GNAQ: variants seen among roughly 807,000 people sequenced by gnomAD.
GNAQ encodes G protein subunit alpha q.
In GNAQ, 8 loss-of-function variants were observed where a neutral mutation model predicts 43.9. That is an observed-to-expected ratio of 0.18 (90% confidence interval 0.11 to 0.33). GNAQ has a LOEUF of 0.33. GNAQ is among the 10% of genes least tolerant of loss of function. The probability of loss-of-function intolerance (pLI) is 1.00; values close to 1 mark genes in which losing one functional copy is unlikely to be tolerated. For synonymous variants in GNAQ, 155 were observed against 170.7 expected (o/e 0.91, Z 0.71); for missense variants, 158 against 450.8 (o/e 0.35, Z 5.88).
intron 1 of GNAQ, among the ~76,000 whole-genome samples, chr9:77,938,420 G>T (rs1473919133): frequency 2.6e-5 from 4 of 152,158 alleles, no homozygotes; most frequent in Non-Finnish European, 1.5e-5. Flanking sequence ...CTTCATCATA[G>T]GACTCATGAA....
At chr9:78,026,249 G>A (rs1374905707) in intron 1 of GNAQ, among the ~76,000 whole-genome samples, 1 of 152,090 alleles carries the variant, frequency 6.6e-6, no homozygotes, top group South Asian at 2.1e-4. Flanking sequence ...TAGCATATAG[G>A]GGTAAGGATG....
At chr9:77,921,847 T>G (rs1180249303) in intron 2 of GNAQ, among the ~76,000 whole-genome samples, 2 of 152,172 alleles carry the variant, frequency 1.3e-5, no homozygotes, top group Non-Finnish European at 1.5e-5. Flanking sequence ...TTACAAACTC[T>G]CTCCTTAACA....
At chr9:77,833,689 C>G (rs1217263289) in intron 2 of GNAQ, among the ~76,000 whole-genome samples, 2 of 152,116 alleles carry the variant, frequency 1.3e-5, no homozygotes, top group African/African-American at 4.8e-5. Context: ...TAAGAGTGGC[C>G]TTGGAGAGCA....
chr9:77,791,632 A>T (rs1826576260), intron 5 of GNAQ, among the ~76,000 whole-genome samples: 1 of 152,220 alleles, frequency 6.6e-6, no homozygotes, highest in Non-Finnish European at 1.5e-5. Flanking sequence ...GGCAGACAAA[A>T]GCAGACCTAC....
intron 2 of GNAQ, 118 bp downstream of exon 2, chr9:77,922,043 T>C: frequency 1.9e-6 from 1 of 531,842 alleles, no homozygotes; most frequent in East Asian, 2.8e-5. Context: ...GGATGGAAAA[T>C]GTATATTTCC....
At chr9:77,867,164 T>C (rs1296658894) in intron 2 of GNAQ, among the ~76,000 whole-genome samples, 3 of 152,282 alleles carry the variant, frequency 2.0e-5, no homozygotes, top group Middle Eastern at 3.4e-3. Flanking sequence ...ACAATGCCCC[T>C]GGCCCCCACT....
chr9:77,797,707 C>T (rs1309738066), intron 3 of GNAQ, 59 bp from the exon 4 acceptor site: 40 of 1,535,444 alleles, frequency 2.6e-5, no homozygotes, highest in Middle Eastern at 1.7e-4. Context: ...AAGCTGTCTA[C>T]GGAAAGGGAA....
At chr9:78,006,515 C>CA (rs34409471) in intron 1 of GNAQ, among the ~76,000 whole-genome samples, 7 of 151,804 alleles carry the variant, frequency 4.6e-5, no homozygotes, top group Non-Finnish European at 1.0e-4. Context: ...TTGGTACTAC[C>CA]AAAAAAAATA....
At chr9:77,918,018 A>C (rs1828939009) in intron 2 of GNAQ, among the ~76,000 whole-genome samples, 1 of 152,136 alleles carries the variant, frequency 6.6e-6, no homozygotes, top group South Asian at 2.1e-4. Flanking sequence ...CCCCCTGACC[A>C]CAGCACCCTC....
intron 2 of GNAQ, among the ~76,000 whole-genome samples, chr9:77,899,813 A>G (rs955997380): frequency 1.3e-5 from 2 of 152,144 alleles, no homozygotes; most frequent in African/African-American, 2.4e-5. Flanking sequence ...ATATTTAACA[A>G]ATATGTATTA....
At chr9:77,880,389 T>C (rs1320916529) in intron 2 of GNAQ, among the ~76,000 whole-genome samples, 1 of 152,104 alleles carries the variant, frequency 6.6e-6, no homozygotes, top group Non-Finnish European at 1.5e-5. Context: ...TTTTCTTTTT[T>C]AGAAACAGAG....
At position 77,827,774 on chromosome 9, in the gene GNAQ, T is replaced by A. The variant is rs369612173; in HGVS notation, c.322-12004A>T. On this transcript the variant is annotated intron_variant, in intron 2 of 6. Transcript: ENST00000286548. ...CTTTACTTGTTGGTAGAAATATCAA[T>A]CTTTCTAGAGCATCAACATTTTTTA... 2.3e-4 allele frequency among the ~76,000 whole-genome samples: 35 copies of A among 152,218 alleles called. 3 individuals carry two copies. Among genetic ancestry groups the A allele is most frequent in the African/African-American group, 8.4e-4 (35 of 41,536 alleles).
intron 5 of GNAQ, among the ~76,000 whole-genome samples, chr9:77,747,320 G>A (rs1825746059): frequency 6.6e-6 from 1 of 152,172 alleles, no homozygotes; most frequent in Non-Finnish European, 1.5e-5. Context: ...GTGACTCATG[G>A]TGCAGAGTTT....
At chr9:77,965,443 G>C (rs539497358) in intron 1 of GNAQ, among the ~76,000 whole-genome samples, 1 of 151,924 alleles carries the variant, frequency 6.6e-6, no homozygotes, top group Non-Finnish European at 1.5e-5. Context: ...CACAGACAAG[G>C]AGAAAATACT....
intron 1 of GNAQ, among the ~76,000 whole-genome samples, chr9:77,974,699 A>G (rs1379231000): frequency 6.6e-6 from 1 of 152,214 alleles, no homozygotes; most frequent in African/African-American, 2.4e-5. Flanking sequence ...ACCTCTCTGC[A>G]TGCCCCAAGG....
At chr9:77,997,771 C>T (rs1823587817) in intron 1 of GNAQ, among the ~76,000 whole-genome samples, 1 of 152,186 alleles carries the variant, frequency 6.6e-6, no homozygotes, top group African/African-American at 2.4e-5. Flanking sequence ...CCATTAATCA[C>T]AGGCACCCGG....
chr9:77,954,103 T>C (rs1823014160), intron 1 of GNAQ, among the ~76,000 whole-genome samples: 2 of 152,252 alleles, frequency 1.3e-5, no homozygotes, highest in African/African-American at 4.8e-5. Context: ...CTGTTTATCA[T>C]GTGATCCTGA....
In GNAQ at chr9:77,979,818, A is replaced by G. The variant is rs115457002; in HGVS notation, c.136+51282T>C. 7.8e-3 allele frequency among the ~76,000 whole-genome samples: 1,193 copies of G among 152,340 alleles called. 11 individuals are homozygous for G. Among genetic ancestry groups the G allele is most frequent in the African/African-American group, 0.027 (1,132 of 41,574 alleles). On this transcript the variant is annotated intron_variant, in intron 1 of 6. Coordinates refer to ENST00000286548, the MANE Select transcript of GNAQ (RefSeq NM_002072.5). ...GTTTTTCTTTGTTCCCCCTATGTGT[A>G]GGTTTGCTACATGATTTGGCATCTT...
chr9:77,992,873 A>T (rs7470279), intron 1 of GNAQ, among the ~76,000 whole-genome samples: 32,049 of 152,002 alleles, frequency 0.21, 3,599 homozygotes, highest in South Asian at 0.38. Flanking sequence ...CGAACCCGGG[A>T]GGTGGAGGTT....
Sources: gnomAD v4.1 joint callset for allele counts (sites outside exome capture counted in the v4.1 genomes callset) on GRCh38, gnomAD v4.1.1 for gene constraint, MANE v1.5 for transcripts, NCBI Gene and HGNC (gene_info 2026-07-23, HGNC 2026-07-21) for gene names.